Variants in THEM4 observed in about 807,000 individuals in gnomAD.
THEM4 encodes thioesterase superfamily member 4, also known as acyl-coenzyme A thioesterase THEM4.
THEM4 carries 22 observed loss-of-function variants against 25.0 expected under a neutral mutation model. The ratio of observed to expected loss-of-function variants is 0.88; its 90% CI spans 0.63 to 1.26. The LOEUF is 1.26. Ranked by LOEUF, THEM4 falls within the 50% of genes most tolerant of loss-of-function variation. The pLI, the probability that THEM4 is intolerant of heterozygous loss-of-function variation, is 0.00. For missense variants in THEM4, 286 were observed against 300.3 expected (o/e 0.95, Z 0.35); for synonymous variants, 113 against 105.6 (o/e 1.07, Z -0.43).
At chr1:151,889,708 T>C (rs561547983) in intron 2 of THEM4, 1 of 191,510 alleles carries the variant, frequency 5.2e-6, no homozygotes, top group East Asian at 1.3e-4. Flanking sequence ...TTGGAAGAAC[T>C]GTGGTTTAAA....
intron 2 of THEM4, chr1:151,890,320 A>G: frequency 2.7e-6 from 1 of 364,902 alleles, no homozygotes; most frequent in Admixed American, 3.0e-5. Context: ...ATTGTGAGCA[A>G]GTTGGGGGAA....
intron 1 of THEM4, among the ~76,000 whole-genome samples, chr1:151,906,995 C>G (rs1382738320): frequency 6.6e-6 from 1 of 151,752 alleles, no homozygotes; most frequent in Non-Finnish European, 1.5e-5. Context: ...CCCTTCCACA[C>G]TGTGGAAGCT....
At chr1:151,901,283 T>C (rs1644084438) in intron 1 of THEM4, among the ~76,000 whole-genome samples, 1 of 152,168 alleles carries the variant, frequency 6.6e-6, no homozygotes, top group Admixed American at 6.5e-5. Flanking sequence ...ACTAGACAAG[T>C]CATCAAGACA....
intron 2 of THEM4, 119 bp downstream of exon 2, chr1:151,894,889 T>C (rs1479813648): frequency 5.1e-6 from 6 of 1,169,376 alleles, no homozygotes; most frequent in Non-Finnish European, 6.3e-6. Flanking sequence ...TTGGTGACTA[T>C]AGAACCATAA....
intron 2 of THEM4, 64 bp downstream of exon 2, chr1:151,894,944 T>G: frequency 1.3e-6 from 2 of 1,539,728 alleles, no homozygotes; most frequent in Non-Finnish European, 1.8e-6. Flanking sequence ...AACTAGTACT[T>G]CAATCTGTTC....
chr1:151,902,853 T>C (rs529873383), intron 1 of THEM4, among the ~76,000 whole-genome samples: 6 of 151,822 alleles, frequency 4.0e-5, no homozygotes, highest in African/African-American at 1.2e-4. Flanking sequence ...CCATGCGAGA[T>C]GGTGTGTGCC....
chr1:151,909,396 G>A lies in THEM4; in HGVS notation c.63C>T (p.Gly21=). The A allele has an allele frequency of 6.6e-7, 1 of 1,504,778 alleles. No individual in the cohort carries two copies. The highest frequency in any genetic ancestry group is 1.2e-5 in the South Asian group (1 of 81,506). 93.2% of individuals were successfully genotyped at this position (1,504,778 alleles called of 1,614,324 possible). ...GCGGCTCGCTTCCCGGCAGGCGCCG[G>A]CCTACTGGCGGCAGGCACAGAGCCC... ...TLGALCLPPV[G]RRLPGSEPRP... is the part of the protein sequence containing the mutation. Residue 21 remains glycine, a synonymous_variant, in exon 1 of 6, where the codon GGC becomes GGT. Coordinates refer to ENST00000368814, the MANE Select transcript of THEM4 (RefSeq NM_053055.5).
In THEM4 at chr1:151,872,784, C is replaced by A. The variant is rs559014778; in HGVS notation, c.*2104G>T. Among the ~76,000 whole-genome samples, 409 of 152,222 alleles carry A rather than the reference C, an allele frequency of 2.7e-3. 2 individuals are homozygous for A. Among genetic ancestry groups the A allele is most frequent in the African/African-American group, 9.6e-3 (399 of 41,532 alleles). On this transcript the variant is annotated 3_prime_UTR_variant, in exon 6 of 6. Coordinates refer to ENST00000368814, the MANE Select transcript of THEM4 (RefSeq NM_053055.5). ...TTCTCCATTCTCAATTAACCAGGGG[C>A]AAAATGCACTGTGGAAAGCCGCAGG...
intron 1 of THEM4, among the ~76,000 whole-genome samples, chr1:151,896,404 C>T (rs541401930): frequency 1.6e-4 from 24 of 152,216 alleles, no homozygotes; most frequent in African/African-American, 4.1e-4. Flanking sequence ...TTATAAATTA[C>T]GCAGCCTCAG....
chr1:151,876,899 CCCT>C lies in THEM4; in HGVS notation c.682+99_682+101del. 3 of 1,428,886 alleles carry C rather than the reference CCCT, an allele frequency of 2.1e-6. No individual in the cohort carries two copies. In the South Asian group the frequency reaches 4.5e-5, roughly 21 times the overall value. The allele number at this position is 1,428,886 out of a possible 1,614,324, so 88.5% of individuals were successfully genotyped here. A position where few individuals can be genotyped will look rare whatever the true frequency, so the allele number is the denominator to read the frequency against. ...AAAACCAAACCAAACCAAAACACCC[CCCT>C]GACCCCCACAAAACCCAAATCAACC... On this transcript the variant is annotated intron_variant, in intron 5 of 5. Coordinates refer to ENST00000368814, the MANE Select transcript of THEM4 (RefSeq NM_053055.5).
intron 1 of THEM4, among the ~76,000 whole-genome samples, chr1:151,907,801 A>C (rs553770569): frequency 4.4e-4 from 67 of 152,296 alleles, no homozygotes; most frequent in Non-Finnish European, 8.1e-4. Context: ...CACCCACCCC[A>C]ATGGTCACCA....
chr1:151,883,909 T>C (rs1476747655), intron 4 of THEM4, among the ~76,000 whole-genome samples: 1 of 151,934 alleles, frequency 6.6e-6, no homozygotes, highest in Non-Finnish European at 1.5e-5. Flanking sequence ...ACCTCGTCTC[T>C]ACTAAAAATA....
At chr1:151,906,530 C>T (rs879593158) in intron 1 of THEM4, among the ~76,000 whole-genome samples, 12 of 152,222 alleles carry the variant, frequency 7.9e-5, no homozygotes, top group Non-Finnish European at 1.3e-4. Flanking sequence ...GGGCACACAG[C>T]GTGGGACTGG....
chr1:151,909,372 C>T lies in THEM4; in HGVS notation c.87G>A (p.Pro29=). 6.6e-7 allele frequency: 1 copy of T among 1,509,090 alleles called. No homozygotes were observed. The allele number at this position is 1,509,090 out of a possible 1,614,324, so 93.5% of individuals were successfully genotyped here. The part of the protein sequence containing the change: ...PVGRRLPGSE[P]RPELRSFSSE... Reference sequence around the variant, plus strand: ...TGCCCAGACTCACCAGCTCGGGTCGCGGCTCGCTTCCCGGCAGGCGCCGGC... The same window carrying T: ...TGCCCAGACTCACCAGCTCGGGTCGTGGCTCGCTTCCCGGCAGGCGCCGGC... Residue 29 remains proline (P), a synonymous_variant, in exon 1 of 6, where the codon CCG becomes CCA. Coordinates refer to ENST00000368814, the MANE Select transcript of THEM4 (RefSeq NM_053055.5).
chr1:151,908,386 G>C (rs1031727736), intron 1 of THEM4, among the ~76,000 whole-genome samples: 9 of 152,114 alleles, frequency 5.9e-5, no homozygotes, highest in African/African-American at 1.9e-4. Flanking sequence ...GCATAGCTTC[G>C]TTTAGCCCGG....
Position 151,890,133 on chromosome 1 carries a change from C to G in THEM4, c.287-760G>C, listed in dbSNP as rs764919482. 28 of 445,450 alleles carry G rather than the reference C, an allele frequency of 6.3e-5. No homozygotes were observed. In the East Asian group the frequency reaches 1.9e-3, roughly 30 times the overall value. The allele number at this position is 445,450 out of a possible 1,614,324, so 27.6% of individuals were successfully genotyped here. A position where few individuals can be genotyped will look rare whatever the true frequency, so the allele number is the denominator to read the frequency against. On this transcript the variant is annotated intron_variant, in intron 2 of 5. Transcript: ENST00000368814. ...GTTGGTCAGGCTGGTCTTGAACTCC[C>G]GAACTCAGGGATCCGCCTGCCTTGG...
At chr1:151,884,106 T>TA (rs1481516957) in intron 4 of THEM4, among the ~76,000 whole-genome samples, 1 of 144,598 alleles carries the variant, frequency 6.9e-6, no homozygotes, top group African/African-American at 2.8e-5. Flanking sequence ...AATAAATAAA[T>TA]AAATAAAGGA....
rs966755162 is a variant in THEM4 at position 151,872,824 on chromosome 1, A to G, written c.*2064T>C. Among the ~76,000 whole-genome samples the G allele has an allele frequency of 1.3e-5, 2 of 152,170 alleles. No homozygotes were observed. Among genetic ancestry groups the G allele is most frequent in the Admixed American group, 1.3e-4 (2 of 15,280 alleles). ...AAAGCCGCAGGGACCTCTGCCCAAG[A>G]AAGCCTGGGTATTGTCCAAGGTTTC... On this transcript the variant is annotated 3_prime_UTR_variant, in exon 6 of 6. Coordinates refer to ENST00000368814, the MANE Select transcript of THEM4 (RefSeq NM_053055.5).
intron 4 of THEM4, among the ~76,000 whole-genome samples, chr1:151,884,076 AAAT>A (rs926294366): frequency 2.8e-5 from 4 of 141,234 alleles, no homozygotes; most frequent in Non-Finnish European, 4.5e-5. Flanking sequence ...CTCTGTCTCA[AAAT>A]AATAAATAAA....
Sources: gnomAD v4.1 joint callset for allele counts (sites outside exome capture counted in the v4.1 genomes callset) on GRCh38, gnomAD v4.1.1 for gene constraint, MANE v1.5 for transcripts, NCBI Gene and HGNC (gene_info 2026-07-23, HGNC 2026-07-21) for gene names.